Variants in VSIG1 observed in about 807,000 individuals in gnomAD.
VSIG1 encodes the protein V-set and immunoglobulin domain-containing protein 1.
In VSIG1, 11 loss-of-function variants were observed where a neutral mutation model predicts 20.1. The ratio of observed to expected loss-of-function variants is 0.55; its 90% CI spans 0.34 to 0.91. VSIG1 has a LOEUF of 0.91. Ranked by LOEUF, VSIG1 falls within the 40% of genes least tolerant of loss-of-function variation. The pLI is 0.02. For synonymous variants in VSIG1, 126 were observed against 116.7 expected (o/e 1.08, Z -0.52); for missense variants, 283 against 298.8 (o/e 0.95, Z 0.39).
chrX:108,030,728 A>G, the VSIG1 span, among the ~76,000 whole-genome samples: 1 of 111,003 alleles, frequency 9.0e-6, no homozygotes, highest in Non-Finnish European at 1.9e-5. Flanking sequence ...TTTATCTGTA[A>G]CCGCTGCAAA....
At position 108,076,108 on chromosome X, in the gene VSIG1, G is replaced by A; in HGVS notation, c.720G>A (p.Leu240=). Residue 240 remains leucine (L), a synonymous_variant, in exon 6 of 7, where the codon TTG becomes TTA. Transcript: ENST00000217957. ...HPEVGIIVGA[L]IGSLVGAAII... The stretch of plus-strand genomic sequence containing the variant: ...AAGTTGGAATCATTGTTGGGGCCTT[G>A]ATTGGTAGCCTGGTAGGTGCCGCCA... 5 of 1,211,600 alleles carry A rather than the reference G, an allele frequency of 4.1e-6. No homozygotes were observed. The highest frequency in any genetic ancestry group is 5.6e-6 in the Non-Finnish European group (5 of 895,302).
At chrX:108,050,267 G>A (rs1157963317) in intron 1 of VSIG1, among the ~76,000 whole-genome samples, 2 of 111,811 alleles carry the variant, frequency 1.8e-5, no homozygotes, top group Non-Finnish European at 3.8e-5. Context: ...TAAGTCTTTG[G>A]GTATGCAAAA....
chrX:108,020,370 C>G, the VSIG1 span, among the ~76,000 whole-genome samples: 34 of 111,956 alleles, frequency 3.0e-4, no homozygotes, highest in Admixed American at 6.6e-4. Flanking sequence ...AAATCAATCT[C>G]TGTTAAATTT....
intron 2 of VSIG1, 84 bp downstream of exon 2, chrX:108,058,285 G>C: frequency 1.0e-6 from 1 of 963,605 alleles, no homozygotes; most frequent in Non-Finnish European, 1.4e-6. Flanking sequence ...AAATGTGAAA[G>C]AATGGCATGC....
Position 108,047,861 on chromosome X carries a change from T to TATATATAC in VSIG1, c.49+2689_49+2690insCATATATA, listed in dbSNP as rs1569287140. Among the ~76,000 whole-genome samples the TATATATAC allele has an allele frequency of 7.0e-4, 43 of 61,176 alleles. 2 individuals are homozygous for TATATATAC. The highest frequency in any genetic ancestry group is 3.4e-3 in the African/African-American group (34 of 9,996). 53.1% of individuals were successfully genotyped at this position (61,176 alleles called of 115,157 possible). A position where few individuals can be genotyped will look rare whatever the true frequency, so the allele number is the denominator to read the frequency against. ...ATATATATACATATATATATACACA[T>TATATATAC]ATATATATACACATATATATATATA... On this transcript the variant is annotated intron_variant, in intron 1 of 6. Transcript: ENST00000217957.
At chrX:108,035,202 G>A in the VSIG1 span, among the ~76,000 whole-genome samples, 20 of 110,885 alleles carry the variant, frequency 1.8e-4, no homozygotes, top group Admixed American at 1.1e-3. Context: ...GGGTTCAAGC[G>A]GTTCTCCTTC....
intron 1 of VSIG1, among the ~76,000 whole-genome samples, chrX:108,047,945 T>TATATATACAC (rs2030669087): frequency 5.4e-5 from 2 of 37,154 alleles, no homozygotes; most frequent in Admixed American, 4.0e-4. Context: ...CACATATATA[T>TATATATACAC]ATATATATAC....
intron 2 of VSIG1, among the ~76,000 whole-genome samples, chrX:108,062,883 T>A (rs2147928048): frequency 8.9e-6 from 1 of 112,444 alleles, no homozygotes; most frequent in Non-Finnish European, 1.9e-5. Flanking sequence ...CCAGAAGGAA[T>A]CTGCAAAAGC....
chrX:108,071,804 AC>A lies in VSIG1; in HGVS notation c.413-867del, dbSNP rs535097273. Among the ~76,000 whole-genome samples, 348 of 103,083 alleles carry A rather than the reference AC, an allele frequency of 3.4e-3. 3 individuals are homozygous for A. Among genetic ancestry groups the A allele is most frequent in the Non-Finnish European group, 5.8e-3 (298 of 51,102 alleles). The allele number at this position is 103,083 out of a possible 115,157, so 89.5% of individuals were successfully genotyped here. ...AATATTTCAGTGCTGAGTAGCGTGC[AC>A]CCCCCAAATGGACTTCCCCTACTGA... is the stretch of plus-strand genomic sequence containing the variant. On this transcript the variant is annotated intron_variant, in intron 3 of 6. Coordinates refer to ENST00000217957, the MANE Select transcript of VSIG1 (RefSeq NM_182607.5).
chrX:108,079,150 C>T lies in VSIG1; in HGVS notation c.*1769C>T, dbSNP rs1169645167. ...TTATAAACAACTTTTTCTGACATAG[C>T]ATTTATGTATAATAAACCAGACATT... On this transcript the variant is annotated 3_prime_UTR_variant, in exon 7 of 7. Transcript: ENST00000217957. 1.8e-5 allele frequency: 2 copies of T among 112,298 alleles called. No homozygotes were observed. The highest frequency in any genetic ancestry group is 3.8e-5 in the Non-Finnish European group (2 of 53,266). The allele number at this position is 112,298 out of a possible 1,213,427, so 9.3% of individuals were successfully genotyped here. A position where few individuals can be genotyped will look rare whatever the true frequency, so the allele number is the denominator to read the frequency against.
the VSIG1 span, among the ~76,000 whole-genome samples, chrX:108,027,984 CA>C: frequency 9.0e-4 from 97 of 108,319 alleles, no homozygotes; most frequent in African/African-American, 1.1e-3. Flanking sequence ...ATATATAAAC[CA>C]AAAAAAAAGA....
upstream of VSIG1, among the ~76,000 whole-genome samples, chrX:108,040,975 GA>G (rs1327132417): frequency 2.8e-5 from 3 of 108,611 alleles, no homozygotes; most frequent in Non-Finnish European, 5.7e-5. Flanking sequence ...GTGAGTGAAT[GA>G]ATGGGACTTT....
upstream of VSIG1, among the ~76,000 whole-genome samples, chrX:108,040,982 A>G (rs938182294): frequency 2.6e-4 from 28 of 108,305 alleles, no homozygotes; most frequent in African/African-American, 9.1e-4. Flanking sequence ...AATGAATGGG[A>G]CTTTTTTTCC....
intron 2 of VSIG1, chrX:108,064,635 G>A: frequency 2.1e-6 from 1 of 471,771 alleles, no homozygotes; most frequent in Non-Finnish European, 2.6e-6. Context: ...CCTCAGGCGT[G>A]ACTGATGTTG....
At chrX:108,061,535 G>A in intron 2 of VSIG1, 1 of 1,158,161 alleles carries the variant, frequency 8.6e-7, no homozygotes, top group Non-Finnish European at 1.2e-6. Context: ...GGACCTCTGA[G>A]GTAAGAACAC....
At chrX:108,050,279 T>G (rs5962933) in intron 1 of VSIG1, among the ~76,000 whole-genome samples, 5,498 of 112,111 alleles carry the variant, frequency 0.049, 121 homozygotes, top group East Asian at 0.096. Flanking sequence ...TATGCAAAAT[T>G]GGGAAGATGG....
At chrX:108,074,824 T>C (rs1172741458) in intron 5 of VSIG1, among the ~76,000 whole-genome samples, 2 of 111,285 alleles carry the variant, frequency 1.8e-5, no homozygotes, top group African/African-American at 6.5e-5. Context: ...AACCAGGTCA[T>C]GATGGGGGAA....
chrX:108,033,349 G>C, the VSIG1 span, among the ~76,000 whole-genome samples: 1 of 112,045 alleles, frequency 8.9e-6, no homozygotes, highest in Non-Finnish European at 1.9e-5. Context: ...AGCATTGTTA[G>C]GTCACCTCTG....
At chrX:108,041,553 C>CAT (rs1491300144), upstream of VSIG1, among the ~76,000 whole-genome samples, 2 of 99,989 alleles carry the variant, frequency 2.0e-5, no homozygotes, top group Admixed American at 2.2e-4. Flanking sequence ...TAAAAAACCT[C>CAT]GTGTGTGTGT....
Sources: allele counts gnomAD v4.1 joint callset (sites outside exome capture counted in the v4.1 genomes callset), GRCh38; gene constraint gnomAD v4.1.1; transcripts MANE v1.5; gene names NCBI Gene and HGNC (gene_info 2026-07-23, HGNC 2026-07-21).